The following TRRAP variants were observed in gnomAD, a reference collection of about 807,000 sequenced individuals.
TRRAP encodes transformation/transcription domain associated protein.
TRRAP carries 41 observed loss-of-function variants against 438.8 expected under a neutral mutation model. The observed-to-expected ratio is 0.09, with a 90% CI of 0.07 to 0.12. The LOEUF (loss-of-function observed/expected upper bound fraction) is 0.12, where lower values mean the gene tolerates loss of function less well. Among genes scored for constraint, TRRAP ranks in the 10% least tolerant of loss-of-function variants. TRRAP has a pLI of 1.00. For missense variants in TRRAP, 3,122 were observed against 5,055.1 expected (o/e 0.62, Z 11.60); for synonymous variants, 1,994 against 1,962.9 (o/e 1.02, Z -0.42).
intron 68 of TRRAP, 152 bp from the exon 69 acceptor site, chr7:99,004,979 A>G (rs1794095816): frequency 2.8e-6 from 2 of 709,554 alleles, no homozygotes; most frequent in Admixed American, 2.5e-5. Flanking sequence ...ACACCGCATC[A>G]GGGTGAGGCA....
chr7:98,971,996 C>A, intron 53 of TRRAP, 51 bp downstream of exon 53: 1 of 1,583,128 alleles, frequency 6.3e-7, no homozygotes, highest in South Asian at 1.2e-5. Flanking sequence ...ATGGACAGTT[C>A]AAAGCCTAAA....
chr7:98,952,329 G>T (rs1791380287), intron 39 of TRRAP, among the ~76,000 whole-genome samples: 1 of 152,040 alleles, frequency 6.6e-6, no homozygotes, highest in Non-Finnish European at 1.5e-5. Context: ...ATTTTTCCAG[G>T]TCACATTTTC....
intron 39 of TRRAP, 77 bp from the exon 40 acceptor site, chr7:98,953,090 T>C: frequency 2.7e-6 from 4 of 1,483,162 alleles, no homozygotes; most frequent in South Asian, 1.2e-5. Context: ...TTTTTAAGGC[T>C]TAAACCTGTC....
chr7:98,917,755 G>C, intron 20 of TRRAP, 76 bp downstream of exon 20: 1 of 1,545,256 alleles, frequency 6.5e-7, no homozygotes, highest in Non-Finnish European at 8.8e-7. Flanking sequence ...CTGTACTCAA[G>C]AGTGGGCTCT....
chr7:98,941,158 G>A (rs1554415515), intron 30 of TRRAP, among the ~76,000 whole-genome samples: 1 of 152,102 alleles, frequency 6.6e-6, no homozygotes, highest in African/African-American at 2.4e-5. Flanking sequence ...TGATTATTAA[G>A]TCTTTTATGT....
chr7:98,945,877 CTTTTT>C (rs1791033677), intron 32 of TRRAP, 48 bp from the exon 33 acceptor site: 3 of 1,565,506 alleles, frequency 1.9e-6, no homozygotes, highest in African/African-American at 1.4e-5. Flanking sequence ...CTTTTCTTTT[CTTTTT>C]ACCTTTCTGT....
chr7:98,898,529 A>G (rs535980492), intron 8 of TRRAP, among the ~76,000 whole-genome samples: 162 of 152,360 alleles, frequency 1.1e-3, no homozygotes, highest in African/African-American at 3.5e-3. Flanking sequence ...GATGAACAAG[A>G]AACTTTGAGT....
chr7:98,891,011 G>T (rs1795943060), intron 4 of TRRAP, among the ~76,000 whole-genome samples: 1 of 150,382 alleles, frequency 6.6e-6, no homozygotes, highest in East Asian at 2.0e-4. Flanking sequence ...GCCCAGGCTG[G>T]TCTTGAACTC....
chr7:98,956,213 C>T lies in TRRAP; in HGVS notation c.6005C>T (p.Thr2002Met), dbSNP rs1554419729. Residue 2002 changes from threonine (T) to methionine (M), a missense_variant, in exon 42 of 73, where the codon ACG (threonine) becomes ATG (methionine). By Grantham distance (81) the Thr-to-Met change is moderately conservative (BLOSUM62 -1). This residue lies in a region of TRRAP where 992 missense variants were observed against 1,281.2 expected (regional missense o/e 0.77). Coordinates refer to ENST00000456197, the MANE Select transcript of TRRAP (RefSeq NM_001375524.1). This position sits in a 1 kb window ranked among gnomAD's most constrained non-coding sequence, Gnocchi z 4.5. ...MVSAMQRLGF[T>M]PSVTIEQRRL... is the part of the protein sequence containing the mutation. The stretch of plus-strand genomic sequence containing the variant: ...AGCGCCATGCAGAGGCTGGGCTTCA[C>T]GCCCAGTGTCACCATCGAGCAGAGG... 2 of 1,613,706 alleles carry T rather than the reference C, an allele frequency of 1.2e-6. No individual in the cohort carries two copies. Among genetic ancestry groups the T allele is most frequent in the African/African-American group, 1.3e-5 (1 of 75,046 alleles).
chr7:98,885,099 C>T (rs1282622707), intron 3 of TRRAP, among the ~76,000 whole-genome samples: 6 of 151,858 alleles, frequency 4.0e-5, no homozygotes, highest in African/African-American at 9.7e-5. Context: ...ATCACGTTTC[C>T]GATTTTTATT....
chr7:98,941,401 T>TC (rs573410077), intron 30 of TRRAP, among the ~76,000 whole-genome samples: 99 of 152,274 alleles, frequency 6.5e-4, no homozygotes, highest in Non-Finnish European at 1.1e-3. Flanking sequence ...ATCTAAAACT[T>TC]CTGACCTCAG....
At chr7:98,966,707 A>G (rs542247810) in intron 49 of TRRAP, among the ~76,000 whole-genome samples, 4 of 152,320 alleles carry the variant, frequency 2.6e-5, no homozygotes, top group South Asian at 2.1e-4. Context: ...AAGTTGTTAA[A>G]TGAACCTTGT....
intron 18 of TRRAP, among the ~76,000 whole-genome samples, chr7:98,913,065 G>C (rs76909520): frequency 1.4e-4 from 21 of 152,078 alleles, no homozygotes; most frequent in Non-Finnish European, 2.6e-4. Flanking sequence ...TTTGGTCCTC[G>C]TTGCTTGGTC....
chr7:98,899,688 C>A lies in TRRAP; in HGVS notation c.721C>A (p.Leu241Met). The change falls in exon 10 of 73, where the codon CTG (leucine) becomes ATG (methionine). Residue 241 changes from leucine (L) to methionine (M), a missense_variant. Around this residue, in one of 24 missense-constraint regions of TRRAP, gnomAD observed 343 missense variants for 564.0 expected, o/e 0.61. Transcript: ENST00000456197. ...GTATGTTTGCTTTTAGCTCTACAAA[C>A]TGAACATCCACAATGTTGTTGCTGA... ...IVVLMYQLYK[L>M]NIHNVVAEFV... 3.7e-6 allele frequency: 6 copies of A among 1,614,182 alleles called. No individual in the cohort carries two copies. Among genetic ancestry groups the A allele is most frequent in the Non-Finnish European group, 5.1e-6 (6 of 1,180,028 alleles).
chr7:98,922,989 CTCAG>C (rs1562943112), intron 21 of TRRAP, among the ~76,000 whole-genome samples: 1 of 152,128 alleles, frequency 6.6e-6, no homozygotes, highest in African/African-American at 2.4e-5. Flanking sequence ...CTGTCATCAT[CTCAG>C]TCAGCCTGTC....
At position 99,011,642 on chromosome 7, in the gene TRRAP, T is replaced by A; in HGVS notation, c.11337+107T>A. 7.7e-7 allele frequency: 1 copy of A among 1,302,140 alleles called. No individual in the cohort carries two copies. Among genetic ancestry groups the A allele is most frequent in the Non-Finnish European group, 1.0e-6 (1 of 957,454 alleles). 80.7% of individuals were successfully genotyped at this position (1,302,140 alleles called of 1,614,324 possible). A position where few individuals can be genotyped will look rare whatever the true frequency, so the allele number is the denominator to read the frequency against. On this transcript the variant is annotated intron_variant, in intron 72 of 72. Transcript: ENST00000456197. The surrounding 1 kb of genome is among the most constrained non-coding windows in gnomAD (Gnocchi z 7.1). ...GATGTGCCTCACGGGCTCTGCGCTCTCCACAGTGGCCAGCACCCCTGTGTG... is the reference window on the plus strand; with the variant it reads ...GATGTGCCTCACGGGCTCTGCGCTCACCACAGTGGCCAGCACCCCTGTGTG...
In TRRAP at chr7:98,921,637, A is replaced by G. The variant is rs1584314295; in HGVS notation, c.2623-116A>G. 5 of 1,401,418 alleles carry G rather than the reference A, an allele frequency of 3.6e-6. No individual in the cohort carries two copies. The East Asian group carries it at 7.0e-5, about 20-fold the overall frequency. 86.8% of individuals were successfully genotyped at this position (1,401,418 alleles called of 1,614,324 possible). ...GTGATCTACCCGCCTTAGCCTCCCAAAGTTCTGGGATTACAGGCATGAGCC... is the reference window on the plus strand; with the variant it reads ...GTGATCTACCCGCCTTAGCCTCCCAGAGTTCTGGGATTACAGGCATGAGCC... On this transcript the variant is annotated intron_variant, in intron 20 of 72. Transcript: ENST00000456197.
intron 53 of TRRAP, 41 bp downstream of exon 53, chr7:98,971,986 A>G: frequency 6.2e-7 from 1 of 1,602,960 alleles, no homozygotes; most frequent in Non-Finnish European, 8.5e-7. Flanking sequence ...CTTTCCTCCC[A>G]TGGACAGTTC....
At chr7:98,971,968 A>G (rs756792900) in intron 53 of TRRAP, 23 bp downstream of exon 53, 4 of 1,611,404 alleles carry the variant, frequency 2.5e-6, no homozygotes, top group Non-Finnish European at 3.4e-6. Flanking sequence ...CTTGGAAAGG[A>G]TTCGTTGCTT....
Sources: allele counts gnomAD v4.1 joint callset (sites outside exome capture counted in the v4.1 genomes callset), GRCh38; gene constraint gnomAD v4.1.1; regional missense constraint gnomAD v4.1.1; non-coding constraint Gnocchi (gnomAD v3.1); transcripts MANE v1.5; gene names NCBI Gene and HGNC (gene_info 2026-07-23, HGNC 2026-07-21).